The following ERCC4 variants were observed in gnomAD, a reference collection of about 807,000 sequenced individuals.
ERCC4 encodes ERCC excision repair 4, endonuclease catalytic subunit, also known as DNA repair endonuclease XPF.
ERCC4 carries 65 observed loss-of-function variants against 76.9 expected under a neutral mutation model. The ratio of observed to expected loss-of-function variants is 0.84; its 90% confidence interval spans 0.69 to 1.04. ERCC4 has a LOEUF of 1.04. Among genes scored for constraint, ERCC4 ranks in the 50% least tolerant of loss-of-function variants. The pLI, the probability that ERCC4 is intolerant of heterozygous loss-of-function variation, is 0.00. For synonymous variants in ERCC4, 463 were observed against 410.1 expected (o/e 1.13, Z -1.56); for missense variants, 1,214 against 1,128.2 (o/e 1.08, Z -1.09).
chr16:13,926,407 T>C (rs974942662), intron 2 of ERCC4, 154 bp from the exon 3 acceptor site: 11 of 706,986 alleles, frequency 1.6e-5, no homozygotes, highest in Non-Finnish European at 2.5e-5. Flanking sequence ...GTCAATTCCT[T>C]GAGGACAGGG....
Position 13,950,781 on chromosome 16 carries a change from A to G in ERCC4, c.*2434A>G, listed in dbSNP as rs1380770922. 3.6e-5 allele frequency: 7 copies of G among 194,018 alleles called. No individual in the cohort carries two copies. The East Asian group carries it at 5.7e-4, about 16-fold the overall frequency. 12.0% of individuals were successfully genotyped at this position (194,018 alleles called of 1,614,324 possible). ...CATTATATAAAAGGAACATCTTCCCATAGCATATTCTATGAAAGGGGTTTC... is the reference window on the plus strand; with the variant it reads ...CATTATATAAAAGGAACATCTTCCCGTAGCATATTCTATGAAAGGGGTTTC... On this transcript the variant is annotated 3_prime_UTR_variant, in exon 11 of 11. Coordinates refer to ENST00000311895, the MANE Select transcript of ERCC4 (RefSeq NM_005236.3).
Position 13,948,560 on chromosome 16 carries a change from C to A in ERCC4, c.*213C>A. 1 of 588,264 alleles carries A rather than the reference C, an allele frequency of 1.7e-6. No homozygotes were observed. The highest frequency in any genetic ancestry group is 3.0e-6 in the Non-Finnish European group (1 of 332,594). 36.4% of individuals were successfully genotyped at this position (588,264 alleles called of 1,614,324 possible). A position where few individuals can be genotyped will look rare whatever the true frequency, so the allele number is the denominator to read the frequency against. On this transcript the variant is annotated 3_prime_UTR_variant, in exon 11 of 11. Transcript: ENST00000311895. ...TGCCTGCTCTTTTTCCTCCCTGCACCGTCTATGCCGGGCTTAGCATGTTTC... is the reference window on the plus strand; with the variant it reads ...TGCCTGCTCTTTTTCCTCCCTGCACAGTCTATGCCGGGCTTAGCATGTTTC...
intron 2 of ERCC4, chr16:13,922,445 T>C (rs1431673103): frequency 5.3e-6 from 4 of 758,820 alleles, no homozygotes; most frequent in African/African-American, 5.1e-5. Context: ...TTGTTGTGAA[T>C]TGCACAACTC....
In ERCC4 at chr16:13,920,208, C is replaced by T. The variant is rs140734311; in HGVS notation, c.43C>T (p.Leu15=). 93 of 1,607,364 alleles carry T rather than the reference C, an allele frequency of 5.8e-5. No individual in the cohort carries two copies. The highest frequency in any genetic ancestry group is 7.7e-5 in the Non-Finnish European group (91 of 1,179,946). Residue 15 remains leucine (L), a synonymous_variant, in exon 1 of 11, where the codon CTG becomes TTG. Coordinates refer to ENST00000311895, the MANE Select transcript of ERCC4 (RefSeq NM_005236.3). ...QPARRIAMAP[L]LEYERQLVLE... ...GGCTCGACGGATTGCCATGGCGCCG[C>T]TGCTGGAGTACGAGCGACAGCTGGT...
At chr16:13,932,556 G>A (rs1024308253) in intron 6 of ERCC4, 9 of 549,572 alleles carry the variant, frequency 1.6e-5, no homozygotes, top group Non-Finnish European at 2.9e-5. Flanking sequence ...TTGATCAAAA[G>A]TATGCTACAT....
chr16:13,935,421 A>G lies in ERCC4; in HGVS notation c.1489A>G (p.Met497Val), dbSNP rs1057519202. ...AAAACGGAAGTTGACCTTAACTCAA[A>G]TGGTAGGAAAACCTGAAGAACTGGA... is the stretch of plus-strand genomic sequence containing the variant. ...KKKRKLTLTQ[M>V]VGKPEELEEE... The change falls in exon 8 of 11, where the codon ATG (methionine) becomes GTG (valine). Residue 497 changes from methionine to valine, a missense_variant. Transcript: ENST00000311895. 4 of 1,613,624 alleles carry G rather than the reference A, an allele frequency of 2.5e-6. No homozygotes were observed. Among genetic ancestry groups the G allele is most frequent in the Non-Finnish European group, 3.4e-6 (4 of 1,179,904 alleles).
chr16:13,951,059 C>T lies in ERCC4; in HGVS notation c.*2712C>T, dbSNP rs552190642. ...ATGGTCATTGTAAGTGAAAGCCTCT[C>T]GCTACCACTTCCTCTTCCAACTACA... On this transcript the variant is annotated 3_prime_UTR_variant, in exon 11 of 11. Coordinates refer to ENST00000311895, the MANE Select transcript of ERCC4 (RefSeq NM_005236.3). 16 of 187,376 alleles carry T rather than the reference C, an allele frequency of 8.5e-5. No individual in the cohort carries two copies. The highest frequency in any genetic ancestry group is 2.0e-4 in the South Asian group (1 of 5,124). 11.6% of individuals were successfully genotyped at this position (187,376 alleles called of 1,614,324 possible). A position where few individuals can be genotyped will look rare whatever the true frequency, so the allele number is the denominator to read the frequency against.
Position 13,951,910 on chromosome 16 carries a change from A to C in ERCC4, c.*3563A>C. On this transcript the variant is annotated 3_prime_UTR_variant, in exon 11 of 11. Transcript: ENST00000311895. ...ATTTTAGGAAAGTTCTTTTTTCAGGATGGAGTATATTAAAATTAAGCCAGG... is the reference window on the plus strand; with the variant it reads ...ATTTTAGGAAAGTTCTTTTTTCAGGCTGGAGTATATTAAAATTAAGCCAGG... 4.6e-6 allele frequency: 1 copy of C among 215,962 alleles called. No homozygotes were observed. Among genetic ancestry groups the C allele is most frequent in the Non-Finnish European group, 9.3e-6 (1 of 107,292 alleles). 13.4% of individuals were successfully genotyped at this position (215,962 alleles called of 1,614,324 possible).
At chr16:13,930,995 T>C (rs2032162546) in intron 5 of ERCC4, 105 bp downstream of exon 5, 3 of 757,372 alleles carry the variant, frequency 4.0e-6, no homozygotes, top group South Asian at 3.0e-5. Flanking sequence ...CTATATGTTA[T>C]ACTGAGATTT....
intron 6 of ERCC4, 119 bp downstream of exon 6, chr16:13,932,404 T>G: frequency 1.1e-6 from 1 of 876,214 alleles, no homozygotes; most frequent in South Asian, 1.5e-5. Flanking sequence ...TGAAGATAAA[T>G]GTATGTATGT....
At chr16:13,938,692 G>T (rs1351157169) in intron 9 of ERCC4, among the ~76,000 whole-genome samples, 1 of 152,208 alleles carries the variant, frequency 6.6e-6, no homozygotes, top group African/African-American at 2.4e-5. Flanking sequence ...AAACTTCCAA[G>T]CCTCAGACAT....
At position 13,934,251 on chromosome 16, in the gene ERCC4, T is replaced by G. The variant is rs199505105; in HGVS notation, c.1162T>G (p.Leu388Val). ...NPKWEALTEVLKEIEAENKES... is the reference protein window; with the variant it reads ...NPKWEALTEVVKEIEAENKES... ...AAAGTGGGAGGCACTGACTGAAGTA[T>G]TAAAAGAAATTGAGGCAGAAAATAA... The change falls in exon 7 of 11, where the codon TTA becomes GTA. Residue 388 changes from leucine to valine, a missense_variant. Leu to Val is a conservative substitution (Grantham distance 32, BLOSUM62 1). Coordinates refer to ENST00000311895, the MANE Select transcript of ERCC4 (RefSeq NM_005236.3). 3 of 1,613,296 alleles carry G rather than the reference T, an allele frequency of 1.9e-6. No individual in the cohort carries two copies. Among genetic ancestry groups the G allele is most frequent in the Non-Finnish European group, 2.5e-6 (3 of 1,179,720 alleles).
At chr16:13,941,720 A>G (rs1174848790) in intron 9 of ERCC4, among the ~76,000 whole-genome samples, 2 of 152,232 alleles carry the variant, frequency 1.3e-5, no homozygotes, top group Non-Finnish European at 2.9e-5. Context: ...TAGAAAACTT[A>G]GTAATAACAT....
At chr16:13,942,948 A>T (rs923733798) in intron 9 of ERCC4, among the ~76,000 whole-genome samples, 37 of 152,218 alleles carry the variant, frequency 2.4e-4, no homozygotes, top group African/African-American at 8.9e-4. Flanking sequence ...AGTGGTAATG[A>T]GTGGCAGCCA....
chr16:13,935,270 TGAA>T lies in ERCC4; in HGVS notation c.1343_1345del (p.Glu448del). The T allele has an allele frequency of 6.2e-7, 1 of 1,614,042 alleles. No homozygotes were observed. The highest frequency in any genetic ancestry group is 8.5e-7 in the Non-Finnish European group (1 of 1,180,004). On this transcript the variant is annotated inframe_deletion, in exon 8 of 11. Coordinates refer to ENST00000311895, the MANE Select transcript of ERCC4 (RefSeq NM_005236.3). ...AAACCTTTGAGAAGGATAGCAAAGC[TGAA>T]GAAGTCTGGATGAAATTTAGGAAGG...
chr16:13,925,286 T>TG (rs1443683980), intron 2 of ERCC4, among the ~76,000 whole-genome samples: 1 of 152,344 alleles, frequency 6.6e-6, no homozygotes, highest in African/African-American at 2.4e-5. Flanking sequence ...TCCTTTTCTT[T>TG]GGAAGTTCAT....
In ERCC4 at chr16:13,952,328, A is replaced by C. The variant is rs2032642011; in HGVS notation, c.*3981A>C. ...TTTTGTTATGCAGAATAAACAAGGCAGAAATGCTCTTTGAACCACTGCTTT... is the reference window on the plus strand; with the variant it reads ...TTTTGTTATGCAGAATAAACAAGGCCGAAATGCTCTTTGAACCACTGCTTT... On this transcript the variant is annotated 3_prime_UTR_variant, in exon 11 of 11. Coordinates refer to ENST00000311895, the MANE Select transcript of ERCC4 (RefSeq NM_005236.3). 1 of 181,936 alleles carries C rather than the reference A, an allele frequency of 5.5e-6. No individual in the cohort carries two copies. Among genetic ancestry groups the C allele is most frequent in the Non-Finnish European group, 1.2e-5 (1 of 85,288 alleles). The allele number at this position is 181,936 out of a possible 1,614,324, so 11.3% of individuals were successfully genotyped here.
Position 13,948,530 on chromosome 16 carries a change from G to T in ERCC4, c.*183G>T, listed in dbSNP as rs1176102350. The T allele has an allele frequency of 3.0e-6, 2 of 671,484 alleles. No homozygotes were observed. The highest frequency in any genetic ancestry group is 1.8e-5 in the African/African-American group (1 of 55,254). The allele number at this position is 671,484 out of a possible 1,614,324, so 41.6% of individuals were successfully genotyped here. ...CTGCAGTTAGGCATCACTTGAACTT[G>T]CCTGTGCCTGCTCTTTTTCCTCCCT... is the stretch of plus-strand genomic sequence containing the variant. On this transcript the variant is annotated 3_prime_UTR_variant, in exon 11 of 11. Coordinates refer to ENST00000311895, the MANE Select transcript of ERCC4 (RefSeq NM_005236.3).
rs1364867115 is a variant in ERCC4, at chr16:13,920,213, G to A, written c.48G>A (p.Leu16=). Residue 16 remains leucine, a synonymous_variant, in exon 1 of 11, where the codon CTG becomes CTA. Transcript: ENST00000311895. The part of the protein sequence containing the change: ...PARRIAMAPL[L]EYERQLVLEL... Reference sequence around the variant, plus strand: ...GACGGATTGCCATGGCGCCGCTGCTGGAGTACGAGCGACAGCTGGTGCTGG... The same window carrying A: ...GACGGATTGCCATGGCGCCGCTGCTAGAGTACGAGCGACAGCTGGTGCTGG... 5.0e-6 allele frequency: 8 copies of A among 1,607,622 alleles called. No homozygotes were observed. The highest frequency in any genetic ancestry group is 1.3e-5 in the African/African-American group (1 of 74,932).
Sources: gnomAD v4.1 joint callset for allele counts (sites outside exome capture counted in the v4.1 genomes callset) on GRCh38, gnomAD v4.1.1 for gene constraint, MANE v1.5 for transcripts, NCBI Gene and HGNC (gene_info 2026-07-23, HGNC 2026-07-21) for gene names.